The following AVEN variants were observed in gnomAD, a reference collection of about 807,000 sequenced individuals.
The protein encoded by AVEN is apoptosis and caspase activation inhibitor, also known as cell death regulator Aven.
In AVEN, 41 loss-of-function variants were observed where a neutral mutation model predicts 38.1. That is an observed-to-expected ratio of 1.08 (90% confidence interval 0.84 to 1.40). The LOEUF (loss-of-function observed/expected upper bound fraction) is 1.40, where lower values mean the gene tolerates loss of function less well. Ranked by LOEUF, AVEN falls within the 40% of genes most tolerant of loss-of-function variation. The pLI, the probability that AVEN is intolerant of heterozygous loss-of-function variation, is 0.00. For missense variants in AVEN, 605 were observed against 438.8 expected, an observed-to-expected ratio of 1.38 and a Z score of -3.38; for synonymous variants, 206 against 171.8, an observed-to-expected ratio of 1.20 and a Z score of -1.56.
At chr15:33,944,618 G>C (rs936868100) in intron 2 of AVEN, among the ~76,000 whole-genome samples, 1 of 152,136 alleles carries the variant, frequency 6.6e-6, no homozygotes, top group Non-Finnish European at 1.5e-5. Flanking sequence ...GACCATCCTG[G>C]CTAACATGGT....
intron 2 of AVEN, among the ~76,000 whole-genome samples, chr15:33,913,636 T>C (rs916516872): frequency 6.6e-6 from 1 of 152,210 alleles, no homozygotes; most frequent in Non-Finnish European, 1.5e-5. Flanking sequence ...CCTTAAGTCA[T>C]TGAAGTTTGT....
intron 5 of AVEN, chr15:34,062,826 A>C: frequency 6.2e-7 from 1 of 1,614,192 alleles, no homozygotes; most frequent in Non-Finnish European, 8.5e-7. Flanking sequence ...TGCAGCTGTG[A>C]CTGCTGTGGT....
In AVEN at chr15:33,927,256, A is replaced by AAATAAT. The variant is rs143126877; in HGVS notation, c.446-51267_446-51262dup. ...GGTGACAGAGCGAGACTCCATCTCA[A>AAATAAT]AATAATAATAATAATAATAATAATA... On this transcript the variant is annotated intron_variant, in intron 2 of 5. Coordinates refer to ENST00000306730, the MANE Select transcript of AVEN (RefSeq NM_020371.3). Among the ~76,000 whole-genome samples, 527 of 150,650 alleles carry AAATAAT rather than the reference A, an allele frequency of 3.5e-3. 4 individuals are homozygous for AAATAAT. The highest frequency in any genetic ancestry group is 1.9e-3 in the South Asian group (9 of 4,766).
intron 2 of AVEN, among the ~76,000 whole-genome samples, chr15:33,888,925 C>T (rs535550492): frequency 6.6e-6 from 1 of 152,022 alleles, no homozygotes; most frequent in East Asian, 1.9e-4. Context: ...CTAAAGTTGG[C>T]CAGGATGGTC....
chr15:34,011,251 G>A (rs559834264), intron 1 of AVEN, among the ~76,000 whole-genome samples: 37 of 152,122 alleles, frequency 2.4e-4, no homozygotes, highest in African/African-American at 8.0e-4. Flanking sequence ...GGGGAACTAC[G>A]CTAGCAAAAA....
At chr15:33,964,853 T>C (rs1252682011) in intron 2 of AVEN, among the ~76,000 whole-genome samples, 1 of 152,178 alleles carries the variant, frequency 6.6e-6, no homozygotes, top group Non-Finnish European at 1.5e-5. Flanking sequence ...TGTAGAATGT[T>C]AGTCATGCTG....
Position 33,870,951 on chromosome 15 carries a change from G to A in AVEN, c.596C>T (p.Ala199Val). Residue 199 changes from alanine to valine, a missense_variant, in exon 4 of 6, where the codon GCT becomes GTT. Ala to Val is a moderately conservative substitution (Grantham distance 64). Transcript: ENST00000306730. ...ELPLCLRLNVAAELVQGTVPL... is the reference protein window; with the variant it reads ...ELPLCLRLNVVAELVQGTVPL... Reference sequence around the variant, plus strand: ...GATTTTTACCTGGACCAGTTCGGCAGCAACGTTGAGTCGGAGGCAGAGAGG... The same window carrying A: ...GATTTTTACCTGGACCAGTTCGGCAACAACGTTGAGTCGGAGGCAGAGAGG... 1 of 1,611,216 alleles carries A rather than the reference G, an allele frequency of 6.2e-7. No homozygotes were observed. The highest frequency in any genetic ancestry group is 8.5e-7 in the Non-Finnish European group (1 of 1,178,276).
At chr15:34,054,014 G>T (rs1457009533) in intron 5 of AVEN, among the ~76,000 whole-genome samples, 1 of 151,964 alleles carries the variant, frequency 6.6e-6, no homozygotes, top group Non-Finnish European at 1.5e-5. Context: ...AGTGGGCAAA[G>T]AACCTGTATG....
At chr15:33,931,128 T>C (rs1893826686) in intron 2 of AVEN, among the ~76,000 whole-genome samples, 1 of 151,916 alleles carries the variant, frequency 6.6e-6, no homozygotes, top group African/African-American at 2.4e-5. Flanking sequence ...CAACGATGGA[T>C]ACGGCACAAA....
chr15:33,855,819 G>A (rs1299837007), downstream of AVEN: 2 of 152,310 alleles, frequency 1.3e-5, no homozygotes, highest in South Asian at 4.1e-4. Context: ...GGATATTGAT[G>A]AGACTGGATA....
At chr15:33,918,018 T>C (rs1302089695) in intron 2 of AVEN, among the ~76,000 whole-genome samples, 3 of 152,208 alleles carry the variant, frequency 2.0e-5, no homozygotes, top group Admixed American at 6.5e-5. Context: ...GTAATTTTTC[T>C]ATTAATTACA....
chr15:33,978,827 A>G (rs1274673583), intron 2 of AVEN, among the ~76,000 whole-genome samples: 1 of 152,194 alleles, frequency 6.6e-6, no homozygotes, highest in Non-Finnish European at 1.5e-5. Flanking sequence ...CCACAAACTT[A>G]GAAGAAACCA....
downstream of AVEN, chr15:33,854,979 A>G: frequency 6.9e-7 from 1 of 1,440,882 alleles, no homozygotes; most frequent in Non-Finnish European, 9.4e-7. Flanking sequence ...AACAGCAGGT[A>G]GTATACAGTA....
At chr15:33,862,993 G>A (rs907008192), downstream of AVEN, among the ~76,000 whole-genome samples, 1 of 152,180 alleles carries the variant, frequency 6.6e-6, no homozygotes, top group Non-Finnish European at 1.5e-5. Flanking sequence ...CCCATTAAGA[G>A]AATATACATC....
chr15:34,065,090 A>G (rs946605396), intron 4 of AVEN: 1 of 166,166 alleles, frequency 6.0e-6, no homozygotes. Context: ...AAGTCTCCAC[A>G]GTCAGTTATT....
chr15:33,906,341 G>C (rs1892698881), intron 2 of AVEN, among the ~76,000 whole-genome samples: 1 of 152,172 alleles, frequency 6.6e-6, no homozygotes, highest in Admixed American at 6.5e-5. Context: ...TAGTTTTAGA[G>C]ATATAAAACA....
intron 2 of AVEN, among the ~76,000 whole-genome samples, chr15:33,908,444 G>C (rs1567408462): frequency 2.6e-5 from 1 of 37,960 alleles, no homozygotes; most frequent in Non-Finnish European, 9.1e-5. Flanking sequence ...CCATGTCACT[G>C]TTGGTACATT....
intron 2 of AVEN, among the ~76,000 whole-genome samples, chr15:33,901,159 T>C (rs1174992398): frequency 6.6e-6 from 1 of 152,042 alleles, no homozygotes; most frequent in Non-Finnish European, 1.5e-5. Context: ...CACAGCTACT[T>C]GGGAGGCTGA....
At chr15:33,911,194 C>T (rs1489037568) in intron 2 of AVEN, among the ~76,000 whole-genome samples, 2 of 152,154 alleles carry the variant, frequency 1.3e-5, no homozygotes, top group Admixed American at 6.6e-5. Flanking sequence ...CCACCGCTGC[C>T]AATACCATAT....
Sources: gnomAD v4.1 joint callset for allele counts (sites outside exome capture counted in the v4.1 genomes callset) on GRCh38, gnomAD v4.1.1 for gene constraint, MANE v1.5 for transcripts, NCBI Gene and HGNC (gene_info 2026-07-23, HGNC 2026-07-21) for gene names.